Variants in SYT1 observed in about 807,000 individuals in gnomAD.
The protein encoded by SYT1 is synaptotagmin-1.
SYT1 carries 8 observed loss-of-function variants against 44.8 expected under a neutral mutation model. The ratio of observed to expected loss-of-function variants is 0.18; its 90% CI spans 0.10 to 0.32. The LOEUF is 0.32. SYT1 is among the 10% of genes least tolerant of loss of function. SYT1 has a pLI of 1.00. For missense variants in SYT1, 286 were observed against 509.3 expected, an observed-to-expected ratio of 0.56 and a Z score of 4.22; for synonymous variants, 154 against 188.8, an observed-to-expected ratio of 0.82 and a Z score of 1.51.
chr12:79,443,110 C>T (rs1283086093), intron 9 of SYT1, among the ~76,000 whole-genome samples: 1 of 152,122 alleles, frequency 6.6e-6, no homozygotes, highest in Non-Finnish European at 1.5e-5. Context: ...ACTTATTAAT[C>T]TTTGCCTAAT....
chr12:79,077,769 T>C (rs1282526851), intron 3 of SYT1, among the ~76,000 whole-genome samples: 6 of 152,190 alleles, frequency 3.9e-5, no homozygotes, highest in Non-Finnish European at 8.8e-5. Context: ...GAAAAGCTGA[T>C]TAAAAATAAT....
chr12:79,039,267 T>C (rs904009343), intron 2 of SYT1, among the ~76,000 whole-genome samples: 1 of 152,074 alleles, frequency 6.6e-6, no homozygotes, highest in Admixed American at 6.6e-5. Context: ...TATGAATGTA[T>C]ATAATATTTT....
At chr12:78,915,349 G>A (rs7955520) in intron 1 of SYT1, among the ~76,000 whole-genome samples, 116,068 of 151,960 alleles carry the variant, frequency 0.76, 44,889 homozygotes, top group African/African-American at 0.87. Context: ...TTAAAAACCT[G>A]CAGAGTGATT....
At chr12:79,179,551 A>ATCTATATAGATATAGATATATAGATATG (rs1207781312) in intron 3 of SYT1, among the ~76,000 whole-genome samples, 49 of 134,590 alleles carry the variant, frequency 3.6e-4, no homozygotes, top group Non-Finnish European at 6.3e-4. Context: ...ATAGAGATAT[A>ATCTATATAGATATAGATATATAGATATG]GATATAGATT....
At chr12:79,181,347 G>A (rs1232956220) in intron 3 of SYT1, among the ~76,000 whole-genome samples, 2 of 151,948 alleles carry the variant, frequency 1.3e-5, no homozygotes, top group Non-Finnish European at 2.9e-5. Flanking sequence ...AATTTGGAGT[G>A]GAAAGAAATC....
chr12:78,968,502 A>G (rs1868301014), intron 1 of SYT1, among the ~76,000 whole-genome samples: 1 of 152,336 alleles, frequency 6.6e-6, no homozygotes, highest in African/African-American at 2.4e-5. Context: ...ACACTATTTC[A>G]TTGAAAGTTC....
chr12:79,125,346 C>T (rs548093663), intron 3 of SYT1, among the ~76,000 whole-genome samples: 2 of 151,600 alleles, frequency 1.3e-5, no homozygotes, highest in Admixed American at 6.6e-5. Context: ...CGCAGTAGCA[C>T]GTGCCTATAA....
intron 4 of SYT1, among the ~76,000 whole-genome samples, chr12:79,222,676 C>T (rs1875247290): frequency 6.6e-6 from 1 of 152,190 alleles, no homozygotes; most frequent in African/African-American, 2.4e-5. Flanking sequence ...AGCCACTGCA[C>T]CTGGCCTACT....
chr12:78,986,536 A>T (rs1001092051), intron 2 of SYT1, among the ~76,000 whole-genome samples: 2 of 151,980 alleles, frequency 1.3e-5, no homozygotes, highest in African/African-American at 2.4e-5. Context: ...ATTAACAATT[A>T]TATCTCCAAA....
intron 3 of SYT1, among the ~76,000 whole-genome samples, chr12:79,057,306 G>T (rs1592708676): frequency 1.3e-5 from 2 of 151,982 alleles, no homozygotes; most frequent in African/African-American, 4.8e-5. Context: ...AGGAATCCTG[G>T]CAAAGCCTAT....
At chr12:79,207,202 T>C (rs1484908969) in intron 3 of SYT1, among the ~76,000 whole-genome samples, 1 of 152,150 alleles carries the variant, frequency 6.6e-6, no homozygotes, top group African/African-American at 2.4e-5. Context: ...ACAATGTGCA[T>C]GAGCTCTTTC....
Position 79,021,231 on chromosome 12 carries a change from G to A in SYT1, c.-83-26066G>A, listed in dbSNP as rs535136407. Among the ~76,000 whole-genome samples, 32 of 151,930 alleles carry A rather than the reference G, an allele frequency of 2.1e-4. No individual in the cohort carries two copies. The South Asian group carries it at 6.6e-3, about 31-fold the overall frequency. ...ATCTCTGCAGCAGGCTGCACATTTG[G>A]CTAGGAGACAACTGAGTTATAAAAT... On this transcript the variant is annotated intron_variant, in intron 2 of 10. Coordinates refer to ENST00000261205, the MANE Select transcript of SYT1 (RefSeq NM_005639.3).
At chr12:79,409,805 G>A (rs892588498) in intron 9 of SYT1, among the ~76,000 whole-genome samples, 1 of 152,034 alleles carries the variant, frequency 6.6e-6, no homozygotes, top group African/African-American at 2.4e-5. Flanking sequence ...GTTCCAGCGA[G>A]TTTCTCTGGG....
At chr12:79,372,153 T>C (rs1883815290) in intron 9 of SYT1, among the ~76,000 whole-genome samples, 1 of 152,198 alleles carries the variant, frequency 6.6e-6, no homozygotes, top group African/African-American at 2.4e-5. Context: ...GCTCTTTCTC[T>C]GTGAACTCCT....
chr12:78,883,734 C>T (rs551032196), intron 1 of SYT1, among the ~76,000 whole-genome samples: 3 of 151,716 alleles, frequency 2.0e-5, no homozygotes, highest in Non-Finnish European at 4.4e-5. Context: ...TCTCTTTTCC[C>T]TTTCACTTTC....
At chr12:79,396,530 T>C (rs1269702304) in intron 9 of SYT1, among the ~76,000 whole-genome samples, 2 of 152,082 alleles carry the variant, frequency 1.3e-5, no homozygotes, top group African/African-American at 4.8e-5. Flanking sequence ...ATGATACTAA[T>C]CCAGTACAAA....
intron 3 of SYT1, among the ~76,000 whole-genome samples, chr12:79,055,298 G>T (rs530439019): frequency 6.6e-6 from 1 of 151,920 alleles, no homozygotes; most frequent in East Asian, 1.9e-4. Flanking sequence ...ATTGATATTA[G>T]TCTTTATTTT....
chr12:79,036,486 C>A (rs1042006290), intron 2 of SYT1: 1 of 151,752 alleles, frequency 6.6e-6, no homozygotes, highest in Non-Finnish European at 1.5e-5. Context: ...AAACTCCTAC[C>A]ATTTTGTAGC....
At chr12:79,238,497 A>T (rs1876318479) in intron 4 of SYT1, among the ~76,000 whole-genome samples, 1 of 152,152 alleles carries the variant, frequency 6.6e-6, no homozygotes, top group Admixed American at 6.5e-5. Context: ...GCAGGATGAG[A>T]AGTTAAGAAG....
Sources: gnomAD v4.1 joint callset for allele counts (sites outside exome capture counted in the v4.1 genomes callset) on GRCh38, gnomAD v4.1.1 for gene constraint, MANE v1.5 for transcripts, NCBI Gene and HGNC (gene_info 2026-07-23, HGNC 2026-07-21) for gene names.